The following SLC7A9 variants were observed in gnomAD, a reference collection of about 807,000 sequenced individuals.
The protein encoded by SLC7A9 is B(0,+)-type amino acid transporter 1.
SLC7A9 carries 38 observed loss-of-function variants against 54.1 expected under a neutral mutation model. The observed-to-expected ratio is 0.70, with a 90% confidence interval of 0.54 to 0.92. The LOEUF (loss-of-function observed/expected upper bound fraction) is 0.92, where lower values mean the gene tolerates loss of function less well. Ranked by LOEUF, SLC7A9 falls within the 40% of genes least tolerant of loss-of-function variation. SLC7A9 has a pLI of 0.00. For synonymous variants in SLC7A9, 264 were observed against 258.9 expected, an observed-to-expected ratio of 1.02 and a Z score of -0.19; for missense variants, 537 against 636.1, an observed-to-expected ratio of 0.84 and a Z score of 1.68.
At chr19:32,842,674 G>A (rs775246449) in intron 10 of SLC7A9, among the ~76,000 whole-genome samples, 2 of 151,894 alleles carry the variant, frequency 1.3e-5, no homozygotes, top group Admixed American at 1.3e-4. Context: ...ATGCAGTGGC[G>A]TGATCTCGGT....
intron 11 of SLC7A9, among the ~76,000 whole-genome samples, chr19:32,838,353 A>G (rs903840076): frequency 6.6e-6 from 1 of 151,502 alleles, no homozygotes; most frequent in African/African-American, 2.4e-5. Context: ...TCTGAGAGTT[A>G]CTGTAACTAT....
chr19:32,848,895 C>T (rs567046355), intron 9 of SLC7A9, among the ~76,000 whole-genome samples: 81 of 152,292 alleles, frequency 5.3e-4, no homozygotes, highest in African/African-American at 1.9e-3. Context: ...CAAAACAGCT[C>T]AACTACATGG....
At chr19:32,848,142 A>T (rs1464814109) in intron 9 of SLC7A9, among the ~76,000 whole-genome samples, 1 of 152,226 alleles carries the variant, frequency 6.6e-6, no homozygotes, top group Non-Finnish European at 1.5e-5. Flanking sequence ...CGAGCAAAAT[A>T]ACCAGCTAAC....
At chr19:32,833,552 C>A (rs1295972114) in intron 11 of SLC7A9, among the ~76,000 whole-genome samples, 1 of 152,118 alleles carries the variant, frequency 6.6e-6, no homozygotes, top group Non-Finnish European at 1.5e-5. Context: ...AATCCCAGCA[C>A]TTAGGGAGGC....
intron 1 of SLC7A9, among the ~76,000 whole-genome samples, chr19:32,869,065 A>AG (rs1342357600): frequency 6.6e-6 from 1 of 151,136 alleles, no homozygotes; most frequent in Non-Finnish European, 1.5e-5. Context: ...AAAAAAAAAA[A>AG]AAAAAAATTA....
intron 6 of SLC7A9, 130 bp from the exon 7 acceptor site, chr19:32,860,780 G>T: frequency 7.5e-7 from 1 of 1,326,522 alleles, no homozygotes. Context: ...AGGAATTCCA[G>T]GTGAATTTTT....
In SLC7A9 at chr19:32,864,093, C is replaced by T; in HGVS notation, c.478+3G>A. The T allele has an allele frequency of 6.2e-7, 1 of 1,614,088 alleles. No homozygotes were observed. Among genetic ancestry groups the T allele is most frequent in the Non-Finnish European group, 8.5e-7 (1 of 1,180,036 alleles). On this transcript the variant is annotated splice_donor_region_variant and intron_variant, in intron 4 of 12. Coordinates refer to ENST00000023064, the MANE Select transcript of SLC7A9 (RefSeq NM_014270.5). ...GACCCCTGCCCTGGGCTCAGGTACTCACAGATGGCGGCGGCGGCCAGGCAT... is the reference window on the plus strand; with the variant it reads ...GACCCCTGCCCTGGGCTCAGGTACTTACAGATGGCGGCGGCGGCCAGGCAT...
chr19:32,842,519 A>G (rs1467519927), intron 10 of SLC7A9, among the ~76,000 whole-genome samples: 1 of 152,172 alleles, frequency 6.6e-6, no homozygotes, highest in Non-Finnish European at 1.5e-5. Context: ...GACCTGGGAA[A>G]TTTCTGAATC....
At chr19:32,835,411 ATAAGT>A (rs1444100993) in intron 11 of SLC7A9, among the ~76,000 whole-genome samples, 1 of 152,250 alleles carries the variant, frequency 6.6e-6, no homozygotes, top group East Asian at 1.9e-4. Flanking sequence ...TCTTTACAAC[ATAAGT>A]TATGTTCTAA....
intron 12 of SLC7A9, chr19:32,832,898 G>C (rs1416221292): frequency 2.1e-6 from 1 of 473,828 alleles, no homozygotes; most frequent in Non-Finnish European, 3.9e-6. Flanking sequence ...AACAGAGCAA[G>C]ACTGTGTCTC....
chr19:32,840,982 T>C (rs557147052), intron 11 of SLC7A9, among the ~76,000 whole-genome samples: 1 of 152,324 alleles, frequency 6.6e-6, no homozygotes, highest in East Asian at 1.9e-4. Flanking sequence ...TGAGGGATTT[T>C]GTGCAGATTA....
chr19:32,856,295 C>T (rs964279515), intron 9 of SLC7A9, among the ~76,000 whole-genome samples: 14 of 150,014 alleles, frequency 9.3e-5, no homozygotes, highest in Admixed American at 4.7e-4. Context: ...CCTGGGTTCA[C>T]GCCATTCTCC....
At chr19:32,856,905 C>T (rs1210911182) in intron 9 of SLC7A9, among the ~76,000 whole-genome samples, 1 of 152,128 alleles carries the variant, frequency 6.6e-6, no homozygotes, top group Admixed American at 6.5e-5. Context: ...GTAATCCCAA[C>T]ACTTTGGGAG....
intron 9 of SLC7A9, among the ~76,000 whole-genome samples, chr19:32,855,473 G>A (rs1968593848): frequency 6.6e-6 from 1 of 152,214 alleles, no homozygotes; most frequent in African/African-American, 2.4e-5. Flanking sequence ...GCCAAGGCGG[G>A]CGGATCACGA....
chr19:32,849,238 A>G (rs1053812829), intron 9 of SLC7A9, among the ~76,000 whole-genome samples: 6 of 152,204 alleles, frequency 3.9e-5, no homozygotes, highest in African/African-American at 1.4e-4. Flanking sequence ...AAATTAATGA[A>G]TCCAGGAGCT....
At chr19:32,855,343 T>C (rs1226103238) in intron 9 of SLC7A9, among the ~76,000 whole-genome samples, 1 of 152,072 alleles carries the variant, frequency 6.6e-6, no homozygotes, top group Non-Finnish European at 1.5e-5. Context: ...CCAGGACACA[T>C]AGCCCCCCTG....
At chr19:32,840,164 T>A (rs1489267147) in intron 11 of SLC7A9, among the ~76,000 whole-genome samples, 1 of 152,090 alleles carries the variant, frequency 6.6e-6, no homozygotes, top group Non-Finnish European at 1.5e-5. Flanking sequence ...TCTTTGCTCT[T>A]ATGTTCTTTC....
At chr19:32,843,724 G>T in intron 10 of SLC7A9, 131 bp downstream of exon 10, 1 of 708,592 alleles carries the variant, frequency 1.4e-6, no homozygotes. Flanking sequence ...ACTTGTCCTG[G>T]GACTCTTTCT....
intron 11 of SLC7A9, among the ~76,000 whole-genome samples, chr19:32,841,305 T>C (rs1322895341): frequency 1.3e-5 from 2 of 152,058 alleles, no homozygotes; most frequent in Non-Finnish European, 2.9e-5. Context: ...TTCATCCTTA[T>C]TGGTATATAG....
Sources: gnomAD v4.1 joint callset for allele counts (sites outside exome capture counted in the v4.1 genomes callset) on GRCh38, gnomAD v4.1.1 for gene constraint, MANE v1.5 for transcripts, NCBI Gene and HGNC (gene_info 2026-07-23, HGNC 2026-07-21) for gene names.